Variants in GRM7 observed in about 807,000 individuals in gnomAD.
GRM7 encodes the protein metabotropic glutamate receptor 7.
In GRM7, 35 loss-of-function variants were observed where a neutral mutation model predicts 84.5. The observed-to-expected ratio is 0.41, with a 90% confidence interval of 0.32 to 0.55. The LOEUF is 0.55. Among genes scored for constraint, GRM7 ranks in the 20% least tolerant of loss-of-function variants. GRM7 has a pLI of 0.19. For missense variants in GRM7, 1,003 were observed against 1,194.6 expected (o/e 0.84, Z 2.36); for synonymous variants, 487 against 455.1 (o/e 1.07, Z -0.89).
chr3:7,259,251 G>A (rs184056997), intron 2 of GRM7, among the ~76,000 whole-genome samples: 1 of 152,148 alleles, frequency 6.6e-6, no homozygotes, highest in Admixed American at 6.5e-5. Flanking sequence ...AAGTGATGGT[G>A]ATCAAATGAG....
At chr3:7,677,329 C>T (rs1254310215) in intron 8 of GRM7, among the ~76,000 whole-genome samples, 1 of 150,348 alleles carries the variant, frequency 6.7e-6, no homozygotes, top group Non-Finnish European at 1.5e-5. Context: ...TGTGCTAGGC[C>T]CTACACTAAA....
chr3:6,902,019 A>G (rs749450079), intron 1 of GRM7, among the ~76,000 whole-genome samples: 4 of 151,986 alleles, frequency 2.6e-5, no homozygotes, highest in Non-Finnish European at 4.4e-5. Flanking sequence ...ATGTATGGGG[A>G]TTTCCTTGAG....
chr3:7,603,304 C>T (rs1221239984), intron 8 of GRM7, among the ~76,000 whole-genome samples: 1 of 152,046 alleles, frequency 6.6e-6, no homozygotes, highest in Non-Finnish European at 1.5e-5. Context: ...ATGCCTGAGG[C>T]TGTCTTTTGT....
chr3:7,436,928 C>A (rs1242841452), intron 5 of GRM7, among the ~76,000 whole-genome samples: 2 of 152,064 alleles, frequency 1.3e-5, no homozygotes, highest in Non-Finnish European at 2.9e-5. Flanking sequence ...TTATCATCAT[C>A]ATCATCATCA....
At chr3:7,609,869 G>A (rs1344501700) in intron 8 of GRM7, among the ~76,000 whole-genome samples, 1 of 151,994 alleles carries the variant, frequency 6.6e-6, no homozygotes, top group African/African-American at 2.4e-5. Flanking sequence ...TAAAACAAGT[G>A]ACACCAGACA....
At chr3:7,581,533 T>TATACATGAAACTATAGCATTTAA (rs1435028184) in intron 8 of GRM7, among the ~76,000 whole-genome samples, 1 of 152,158 alleles carries the variant, frequency 6.6e-6, no homozygotes, top group African/African-American at 2.4e-5. Context: ...TACCAGCGTG[T>TATACATGAAACTATAGCATTTAA]ATACATGAAA....
intron 1 of GRM7, among the ~76,000 whole-genome samples, chr3:6,991,168 C>A (rs1234761078): frequency 2.0e-5 from 3 of 152,186 alleles, no homozygotes; most frequent in Non-Finnish European, 4.4e-5. Context: ...GAGATTACTT[C>A]TTCCCTGTCT....
chr3:7,550,573 C>CTGTGTGTG (rs1212112309), intron 7 of GRM7, among the ~76,000 whole-genome samples: 24 of 60,668 alleles, frequency 4.0e-4, no homozygotes, highest in African/African-American at 1.2e-3. Flanking sequence ...CTCTCTCTCT[C>CTGTGTGTG]TCTCTGTGTG....
intron 1 of GRM7, among the ~76,000 whole-genome samples, chr3:7,024,396 A>G (rs1004193228): frequency 2.0e-5 from 3 of 152,384 alleles, no homozygotes; most frequent in South Asian, 2.1e-4. Flanking sequence ...AGTGAAGCAA[A>G]TGGATGACGT....
At chr3:7,350,893 G>C (rs1693111066) in intron 4 of GRM7, among the ~76,000 whole-genome samples, 1 of 152,090 alleles carries the variant, frequency 6.6e-6, no homozygotes, top group Non-Finnish European at 1.5e-5. Context: ...AGGCATAAGA[G>C]TGCAAGACAA....
chr3:7,409,650 G>A (rs1250995121), intron 4 of GRM7, among the ~76,000 whole-genome samples: 1 of 152,132 alleles, frequency 6.6e-6, no homozygotes, highest in Non-Finnish European at 1.5e-5. Context: ...GCCCAGGCTG[G>A]AGTACAGTGG....
At chr3:7,536,376 AC>A (rs1449680807) in intron 7 of GRM7, among the ~76,000 whole-genome samples, 3 of 152,186 alleles carry the variant, frequency 2.0e-5, no homozygotes, top group Admixed American at 6.5e-5. Flanking sequence ...TCAGCAACGA[AC>A]AAAAACTGGG....
intron 9 of GRM7, among the ~76,000 whole-genome samples, chr3:7,733,537 C>T (rs1448616960): frequency 6.6e-6 from 1 of 152,236 alleles, no homozygotes; most frequent in Non-Finnish European, 1.5e-5. Context: ...TCAGATTTTC[C>T]GGGGACCCTT....
chr3:6,996,007 T>C (rs1270192613), intron 1 of GRM7, among the ~76,000 whole-genome samples: 3 of 152,190 alleles, frequency 2.0e-5, no homozygotes, highest in South Asian at 2.1e-4. Context: ...CATCCAGCCA[T>C]ACATATGCCT....
intron 1 of GRM7, among the ~76,000 whole-genome samples, chr3:7,047,997 T>C (rs549164430): frequency 2.6e-4 from 39 of 152,162 alleles, no homozygotes; most frequent in Admixed American, 1.4e-3. Context: ...ATTTTGATGT[T>C]AAATAACTTC....
chr3:7,238,726 ATTCTT>A (rs769325266), intron 2 of GRM7, among the ~76,000 whole-genome samples: 3 of 150,444 alleles, frequency 2.0e-5, no homozygotes, highest in Non-Finnish European at 4.4e-5. Flanking sequence ...AGCCCTTTCT[ATTCTT>A]TTCTTTTTTT....
chr3:7,238,603 A>T lies in GRM7; in HGVS notation c.737-60081A>T, dbSNP rs763911978. On this transcript the variant is annotated intron_variant, in intron 2 of 9. Transcript: ENST00000357716. ...GCTTAGCATACAGAAGAAACTCAAT[A>T]AATATTTGTTAAAGGAATTGCCTAA... Among the ~76,000 whole-genome samples the T allele has an allele frequency of 9.2e-5, 14 of 152,174 alleles. No individual in the cohort carries two copies. In the East Asian group the frequency reaches 2.7e-3, roughly 29 times the overall value.
chr3:7,394,378 G>A (rs1463325294), intron 4 of GRM7, among the ~76,000 whole-genome samples: 1 of 152,132 alleles, frequency 6.6e-6, no homozygotes. Context: ...AAGTGTTCTC[G>A]ATCTTTTGTG....
At chr3:6,887,376 C>T (rs529206349) in intron 1 of GRM7, among the ~76,000 whole-genome samples, 1 of 152,048 alleles carries the variant, frequency 6.6e-6, no homozygotes, top group East Asian at 1.9e-4. Context: ...GCTATCCCTC[C>T]CCCCTTCCCC....
Sources: allele counts gnomAD v4.1 joint callset (sites outside exome capture counted in the v4.1 genomes callset), GRCh38; gene constraint gnomAD v4.1.1; transcripts MANE v1.5; gene names NCBI Gene and HGNC (gene_info 2026-07-23, HGNC 2026-07-21).